Variants in KIF14 observed in about 807,000 individuals in gnomAD.
KIF14 encodes the protein kinesin-like protein KIF14.
Under a neutral mutation model 176.2 loss-of-function variants are expected in KIF14, and 98 were observed. That is an observed-to-expected ratio of 0.56 (90% CI 0.47 to 0.66). The LOEUF (loss-of-function observed/expected upper bound fraction) is 0.66, where lower values mean the gene tolerates loss of function less well. Among genes scored for constraint, KIF14 ranks in the 30% least tolerant of loss-of-function variants. The pLI is 0.00. For missense variants in KIF14, 1,751 were observed against 1,920.4 expected, an observed-to-expected ratio of 0.91 and a Z score of 1.65; for synonymous variants, 566 against 632.2, an observed-to-expected ratio of 0.90 and a Z score of 1.57.
At chr1:200,564,970 A>C in intron 25 of KIF14, 99 bp downstream of exon 25, 2 of 905,696 alleles carry the variant, frequency 2.2e-6, no homozygotes, top group Non-Finnish European at 3.3e-6. Context: ...TACTTTTGAA[A>C]ATCATACAGA....
At position 200,600,395 on chromosome 1, in the gene KIF14, T is replaced by C; in HGVS notation, c.2261A>G (p.Lys754Arg). The C allele has an allele frequency of 6.2e-7, 1 of 1,613,894 alleles. No homozygotes were observed. Among genetic ancestry groups the C allele is most frequent in the Non-Finnish European group, 8.5e-7 (1 of 1,179,828 alleles). The change falls in exon 12 of 30, where the codon AAA becomes AGA. Residue 754 changes from lysine (K) to arginine (R), a missense_variant. Physicochemically the swap from Lys to Arg is conservative, Grantham distance 26 (BLOSUM62 2). Coordinates refer to ENST00000367350, the MANE Select transcript of KIF14 (RefSeq NM_014875.3). ...CRQEITSLRM[K>R]LHQQERDMAE... ...CATGTCTCTCTCCTGTTGATGCAGT[T>C]TCATTCTTAAGGATGTTATTTCTTG...
chr1:200,552,688 T>C lies in KIF14; in HGVS notation c.*700A>G, dbSNP rs1408459044. 1 of 151,964 alleles carries C rather than the reference T, an allele frequency of 6.6e-6. No individual in the cohort carries two copies. Among genetic ancestry groups the C allele is most frequent in the East Asian group, 1.9e-4 (1 of 5,190 alleles). 9.4% of individuals were successfully genotyped at this position (151,964 alleles called of 1,614,324 possible). A position where few individuals can be genotyped will look rare whatever the true frequency, so the allele number is the denominator to read the frequency against. On this transcript the variant is annotated 3_prime_UTR_variant, in exon 30 of 30. Transcript: ENST00000367350. ...TTCAAAATGGCAACCAGTTAACCCT[T>C]TGAGAAAAGAATTTTTGATTAACAA...
rs138465637 is a variant in KIF14, at chr1:200,577,206, C to G, written c.3466-1515G>C. Among the ~76,000 whole-genome samples the G allele has an allele frequency of 3.3e-3, 497 of 151,550 alleles. 3 individuals carry two copies. The highest frequency in any genetic ancestry group is 0.011 in the African/African-American group (456 of 41,300). The stretch of plus-strand genomic sequence containing the variant: ...GGGCATGGTGGCACATGCCTGTAAT[C>G]CCAGATATTCAGAAAGCCAAGGAAC... On this transcript the variant is annotated intron_variant, in intron 21 of 29. Transcript: ENST00000367350.
rs1656558106 is a variant in KIF14, at chr1:200,552,038, T to G, written c.*1350A>C. 1 of 152,252 alleles carries G rather than the reference T, an allele frequency of 6.6e-6. No individual in the cohort carries two copies. Among genetic ancestry groups the G allele is most frequent in the African/African-American group, 2.4e-5 (1 of 41,468 alleles). The allele number at this position is 152,252 out of a possible 1,614,324, so 9.4% of individuals were successfully genotyped here. Reference sequence around the variant, plus strand: ...TACAATCTCTTCCTAACAAGGAAACTATCAGATTTATTCATGGTACGAATG... The same window carrying G: ...TACAATCTCTTCCTAACAAGGAAACGATCAGATTTATTCATGGTACGAATG... On this transcript the variant is annotated 3_prime_UTR_variant, in exon 30 of 30. Transcript: ENST00000367350.
At chr1:200,588,569 G>A (rs1658881783) in intron 18 of KIF14, among the ~76,000 whole-genome samples, 1 of 152,134 alleles carries the variant, frequency 6.6e-6, no homozygotes, top group African/African-American at 2.4e-5. Flanking sequence ...ATGTTCCCAA[G>A]GTGATGTTGA....
At chr1:200,566,049 A>G (rs950500321) in intron 23 of KIF14, among the ~76,000 whole-genome samples, 2 of 152,210 alleles carry the variant, frequency 1.3e-5, no homozygotes, top group Non-Finnish European at 2.9e-5. Flanking sequence ...AGGATCACTG[A>G]TCAATAAATT....
At chr1:200,562,057 T>C (rs1252424602) in intron 25 of KIF14, among the ~76,000 whole-genome samples, 2 of 152,256 alleles carry the variant, frequency 1.3e-5, no homozygotes, top group African/African-American at 4.8e-5. Flanking sequence ...CCCCCTGTAG[T>C]GTCTCTTCAA....
Position 200,600,500 on chromosome 1 carries a change from A to G in KIF14, c.2156T>C (p.Leu719Ser). The G allele has an allele frequency of 1.2e-6, 2 of 1,608,762 alleles. No homozygotes were observed. The highest frequency in any genetic ancestry group is 2.2e-5 in the South Asian group (2 of 90,894). The change falls in exon 12 of 30, where the codon TTG becomes TCG. Residue 719 changes from leucine to serine, a missense_variant. By Grantham distance (145) the Leu-to-Ser change is moderately radical. Coordinates refer to ENST00000367350, the MANE Select transcript of KIF14 (RefSeq NM_014875.3). ...EDMNAKLIRE[L>S]KAEIAKLKAA... Reference sequence around the variant, plus strand: ...TTTTAGCTTTGCAATTTCTGCCTTCAATTCTGAAGATTTATACAAAGATGC... The same window carrying G: ...TTTTAGCTTTGCAATTTCTGCCTTCGATTCTGAAGATTTATACAAAGATGC...
intron 12 of KIF14, 25 bp downstream of exon 12, chr1:200,600,331 A>T: frequency 1.2e-6 from 2 of 1,609,008 alleles, no homozygotes; most frequent in Non-Finnish European, 1.7e-6. Flanking sequence ...CACACTTAAC[A>T]TTTAGAGTAC....
At position 200,575,645 on chromosome 1, in the gene KIF14, T is replaced by C; in HGVS notation, c.3512A>G (p.Asp1171Gly). ...RGEDAFCDPEDEWEPDITDAP... is the reference protein window; with the variant it reads ...RGEDAFCDPEGEWEPDITDAP... ...ATCTGTAATGTCGGGTTCCCATTCA[T>C]CTTCAGGATCACAAAAGGCATCTTC... The change falls in exon 22 of 30, where the codon GAT (aspartate) becomes GGT (glycine). Residue 1171 changes from aspartate (D) to glycine (G), a missense_variant. Coordinates refer to ENST00000367350, the MANE Select transcript of KIF14 (RefSeq NM_014875.3). The C allele has an allele frequency of 1.3e-6, 2 of 1,592,492 alleles. No individual in the cohort carries two copies. The highest frequency in any genetic ancestry group is 2.3e-5 in the South Asian group (2 of 87,568).
intron 19 of KIF14, among the ~76,000 whole-genome samples, chr1:200,584,150 G>A (rs537141570): frequency 1.9e-4 from 29 of 149,928 alleles, no homozygotes; most frequent in Non-Finnish European, 3.8e-4. Flanking sequence ...CCCGGGAGGC[G>A]GAGGTTGCAG....
At chr1:200,589,107 A>G in intron 18 of KIF14, 110 bp downstream of exon 18, 1 of 821,674 alleles carries the variant, frequency 1.2e-6, no homozygotes, top group Non-Finnish European at 1.9e-6. Context: ...CTACACATCT[A>G]CAAACCTGGA....
intron 26 of KIF14, 58 bp downstream of exon 26, chr1:200,560,664 A>G (rs962202946): frequency 6.4e-7 from 1 of 1,561,668 alleles, no homozygotes. Context: ...CTGTACTATT[A>G]TCAAAAGTCT....
rs1660520057 is a variant in KIF14 at position 200,618,393 on chromosome 1, T to C, written c.331A>G (p.Thr111Ala). 1 of 1,614,188 alleles carries C rather than the reference T, an allele frequency of 6.2e-7. No homozygotes were observed. Among genetic ancestry groups the C allele is most frequent in the Non-Finnish European group, 8.5e-7 (1 of 1,180,030 alleles). The change falls in exon 2 of 30, where the codon ACT becomes GCT. Residue 111 changes from threonine to alanine, a missense_variant. Physicochemically the swap from Thr to Ala is moderately conservative, Grantham distance 58 (BLOSUM62 0). Transcript: ENST00000367350. Reference protein sequence around the residue: ...SLLVSELEDTTEKTAETRLTL... With the variant: ...SLLVSELEDTAEKTAETRLTL... The stretch of plus-strand genomic sequence containing the variant: ...AGACGTGTTTCTGCTGTTTTTTCAG[T>C]TGTGTCTTCCAACTCACTAACAAGC...
intron 21 of KIF14, among the ~76,000 whole-genome samples, chr1:200,576,896 G>A (rs1000246011): frequency 2.6e-5 from 4 of 151,978 alleles, no homozygotes; most frequent in Non-Finnish European, 5.9e-5. Context: ...CCAAAGTGCT[G>A]GGATTATAGG....
intron 4 of KIF14, among the ~76,000 whole-genome samples, chr1:200,612,089 G>A (rs975010734): frequency 4.0e-5 from 6 of 151,186 alleles, no homozygotes; most frequent in African/African-American, 7.3e-5. Context: ...TGCAATGTCC[G>A]CCTCCAGGGT....
In KIF14 at chr1:200,608,709, A is replaced by C. The variant is rs1660008757; in HGVS notation, c.1554+121T>G. The C allele has an allele frequency of 1.3e-5, 8 of 630,800 alleles. No individual in the cohort carries two copies. In the African/African-American group the frequency reaches 1.5e-4, roughly 12 times the overall value. The allele number at this position is 630,800 out of a possible 1,614,324, so 39.1% of individuals were successfully genotyped here. On this transcript the variant is annotated intron_variant, in intron 5 of 29. Transcript: ENST00000367350. ...ATAATCTAATTGGACTGTAGATCCA[A>C]GCATTTGCTTTCATATAATTCTAGT...
chr1:200,606,845 C>T, intron 5 of KIF14, 47 bp from the exon 6 acceptor site: 1 of 1,410,320 alleles, frequency 7.1e-7, no homozygotes, highest in East Asian at 2.3e-5. Context: ...ACAAATATTT[C>T]ATGTAACTTG....
chr1:200,603,741 T>C (rs188417113), intron 9 of KIF14, 98 bp downstream of exon 9: 173 of 721,500 alleles, frequency 2.4e-4, no homozygotes, highest in Non-Finnish European at 3.7e-4. Flanking sequence ...CAGATAAAGA[T>C]ATATTTGGGG....
Sources: allele counts gnomAD v4.1 joint callset (sites outside exome capture counted in the v4.1 genomes callset), GRCh38; gene constraint gnomAD v4.1.1; transcripts MANE v1.5; gene names NCBI Gene and HGNC (gene_info 2026-07-23, HGNC 2026-07-21).